Variants in ELF1 observed in about 807,000 individuals in gnomAD.
The protein encoded by ELF1 is ETS-related transcription factor Elf-1.
A neutral mutation model predicts 59.9 loss-of-function variants in ELF1; 24 were observed. The observed-to-expected ratio is 0.40, with a 90% CI of 0.29 to 0.56. The LOEUF is 0.56. ELF1 is among the 20% of genes least tolerant of loss of function. ELF1 has a pLI of 0.44. For synonymous variants in ELF1, 248 were observed against 266.2 expected, an observed-to-expected ratio of 0.93 and a Z score of 0.67; for missense variants, 627 against 742.2, an observed-to-expected ratio of 0.84 and a Z score of 1.80.
chr13:40,962,148 T>C (rs1401102973), intron 2 of ELF1, among the ~76,000 whole-genome samples: 1 of 152,196 alleles, frequency 6.6e-6, no homozygotes, highest in African/African-American at 2.4e-5. Context: ...ACAGTGCCCT[T>C]CCCAGAGGCA....
chr13:41,014,569 A>C (rs1431962647), intron 1 of ELF1, among the ~76,000 whole-genome samples: 1 of 152,142 alleles, frequency 6.6e-6, no homozygotes, highest in East Asian at 1.9e-4. Flanking sequence ...GACAAGACAC[A>C]AAAAACTCTT....
intron 2 of ELF1, among the ~76,000 whole-genome samples, chr13:40,970,684 C>T (rs1309197800): frequency 1.3e-5 from 2 of 152,214 alleles, no homozygotes; most frequent in African/African-American, 2.4e-5. Flanking sequence ...AGCCTCCTTA[C>T]ACTTCCCAAT....
At chr13:40,962,366 T>C (rs952344183) in intron 2 of ELF1, among the ~76,000 whole-genome samples, 5 of 151,822 alleles carry the variant, frequency 3.3e-5, no homozygotes, top group South Asian at 2.1e-4. Flanking sequence ...GAATGAAAAG[T>C]AGTTTTGAAG....
intron 1 of ELF1, among the ~76,000 whole-genome samples, chr13:40,995,601 C>T: frequency 6.7e-6 from 1 of 149,822 alleles, no homozygotes. Flanking sequence ...AGGACAAAGG[C>T]AATACAATAA....
intron 1 of ELF1, among the ~76,000 whole-genome samples, chr13:41,005,918 G>A (rs1420220781): frequency 3.9e-5 from 6 of 152,034 alleles, no homozygotes; most frequent in Admixed American, 3.3e-4. Flanking sequence ...ATTCATATTG[G>A]TCAATATTTA....
At chr13:41,021,185 A>G (rs140365948), upstream of ELF1, among the ~76,000 whole-genome samples, 194 of 152,346 alleles carry the variant, frequency 1.3e-3, no homozygotes, top group Non-Finnish European at 2.4e-3. Flanking sequence ...ATCTAAAAGG[A>G]TAAGCTTCTG....
chr13:41,024,086 T>C (rs1875789924), upstream of ELF1, among the ~76,000 whole-genome samples: 1 of 152,224 alleles, frequency 6.6e-6, no homozygotes, highest in Admixed American at 6.5e-5. Context: ...ATATGCTGAC[T>C]GCAATCTCAA....
chr13:41,022,678 C>T (rs913064789), upstream of ELF1, among the ~76,000 whole-genome samples: 14 of 152,086 alleles, frequency 9.2e-5, no homozygotes, highest in African/African-American at 2.4e-4. Flanking sequence ...TTCAGGAGTT[C>T]GAGACCAGGC....
intron 1 of ELF1, among the ~76,000 whole-genome samples, chr13:41,016,530 G>C (rs1200317041): frequency 6.6e-6 from 1 of 152,060 alleles, no homozygotes; most frequent in Non-Finnish European, 1.5e-5. Flanking sequence ...AGACACCTCT[G>C]GATTTTGTAA....
chr13:40,968,011 A>G (rs770148133), intron 2 of ELF1, among the ~76,000 whole-genome samples: 63 of 152,216 alleles, frequency 4.1e-4, no homozygotes, highest in Non-Finnish European at 3.2e-4. Context: ...TTTTCAAAAC[A>G]TAGGTGAACA....
chr13:41,042,812 G>C (rs1371633103), intron 1 of ELF1, among the ~76,000 whole-genome samples: 1 of 152,104 alleles, frequency 6.6e-6, no homozygotes, highest in African/African-American at 2.4e-5. Context: ...ATAATCCTTT[G>C]AAAATATACC....
chr13:40,949,064 T>G (rs1225622013), intron 5 of ELF1, among the ~76,000 whole-genome samples: 3 of 152,098 alleles, frequency 2.0e-5, no homozygotes, highest in Non-Finnish European at 4.4e-5. Context: ...CAGCTCACTG[T>G]AACCTCCACT....
chr13:41,027,091 C>T (rs1354145656), intron 1 of ELF1, among the ~76,000 whole-genome samples: 2 of 152,188 alleles, frequency 1.3e-5, no homozygotes, highest in African/African-American at 2.4e-5. Context: ...CACCCAGTTA[C>T]GCACTTTGCT....
intron 1 of ELF1, among the ~76,000 whole-genome samples, chr13:40,989,706 C>T (rs1390397865): frequency 6.6e-6 from 1 of 152,088 alleles, no homozygotes. Flanking sequence ...AAGAAAGCTA[C>T]CTAGTTTGAG....
intron 8 of ELF1, among the ~76,000 whole-genome samples, chr13:40,938,631 G>A (rs553251516): frequency 6.6e-6 from 1 of 152,224 alleles, no homozygotes; most frequent in Admixed American, 6.5e-5. Flanking sequence ...TTCTCATTGA[G>A]CTATGAGGAT....
chr13:41,006,074 AAG>A (rs1435188615), intron 1 of ELF1, among the ~76,000 whole-genome samples: 3 of 152,182 alleles, frequency 2.0e-5, no homozygotes, highest in African/African-American at 7.2e-5. Context: ...CTCTTTCCTA[AAG>A]AGAACTTAAC....
intron 4 of ELF1, among the ~76,000 whole-genome samples, chr13:40,950,674 G>A (rs1053322295): frequency 5.9e-5 from 9 of 152,034 alleles, no homozygotes; most frequent in Non-Finnish European, 1.2e-4. Flanking sequence ...AGAGCAATTC[G>A]CTATCACTCT....
intron 3 of ELF1, among the ~76,000 whole-genome samples, chr13:40,953,928 G>T (rs1293260690): frequency 6.6e-6 from 1 of 152,136 alleles, no homozygotes; most frequent in African/African-American, 2.4e-5. Context: ...CTGATGACTA[G>T]AACTAGGAAG....
In ELF1 at chr13:40,937,668, A is replaced by G. The variant is rs939317439; in HGVS notation, c.1256+3253T>C. ...GTATTTTTAGTAGAGTCGGGTTTTC[A>G]CCATGTTGGGAAGGCTGGTCTCGAA... On this transcript the variant is annotated intron_variant, in intron 8 of 8. Coordinates refer to ENST00000239882, the MANE Select transcript of ELF1 (RefSeq NM_172373.4). Among the ~76,000 whole-genome samples, 10 of 152,138 alleles carry G rather than the reference A, an allele frequency of 6.6e-5. No individual in the cohort carries two copies. The East Asian group carries it at 1.7e-3, about 27-fold the overall frequency.
Sources: allele counts gnomAD v4.1 joint callset (sites outside exome capture counted in the v4.1 genomes callset), GRCh38; gene constraint gnomAD v4.1.1; transcripts MANE v1.5; gene names NCBI Gene and HGNC (gene_info 2026-07-23, HGNC 2026-07-21).